Variants in SRPX observed in about 807,000 individuals in gnomAD.
SRPX encodes sushi repeat containing protein X-linked.
Under a neutral mutation model 38.1 loss-of-function variants are expected in SRPX, and 24 were observed. That is an observed-to-expected ratio of 0.63 (90% CI 0.46 to 0.89). The LOEUF is 0.89. Among genes scored for constraint, SRPX ranks in the 40% least tolerant of loss-of-function variants. The pLI, the probability that SRPX is intolerant of heterozygous loss-of-function variation, is 0.00. For missense variants in SRPX, 416 were observed against 377.8 expected, an observed-to-expected ratio of 1.10 and a Z score of -0.84; for synonymous variants, 184 against 153.8, an observed-to-expected ratio of 1.20 and a Z score of -1.45.
chrX:38,158,523 C>G (rs1331529398), intron 7 of SRPX, among the ~76,000 whole-genome samples: 2 of 111,810 alleles, frequency 1.8e-5, no homozygotes, highest in Non-Finnish European at 3.8e-5. Flanking sequence ...GTGCCAAGCT[C>G]TATGCTAGGT....
intron 1 of SRPX, among the ~76,000 whole-genome samples, chrX:38,197,988 T>C (rs1235585116): frequency 9.0e-6 from 1 of 110,907 alleles, no homozygotes; most frequent in Non-Finnish European, 1.9e-5. Context: ...GCAAGAGGGG[T>C]GAGATGAGGG....
intron 5 of SRPX, among the ~76,000 whole-genome samples, chrX:38,161,325 G>C (rs1020344938): frequency 4.5e-5 from 5 of 110,552 alleles, no homozygotes; most frequent in African/African-American, 1.3e-4. Context: ...GTGGGTAGAG[G>C]GGGGAGGGAG....
At chrX:38,198,341 A>G (rs1469181758) in intron 1 of SRPX, among the ~76,000 whole-genome samples, 2 of 112,136 alleles carry the variant, frequency 1.8e-5, no homozygotes, top group African/African-American at 6.5e-5. Context: ...GTGGGGAGGG[A>G]GAAGAGAGAA....
At chrX:38,200,809 C>T (rs953064643) in intron 1 of SRPX, among the ~76,000 whole-genome samples, 8 of 112,029 alleles carry the variant, frequency 7.1e-5, no homozygotes, top group Admixed American at 1.9e-4. Context: ...AATTAAATCT[C>T]AACATGACTT....
chrX:38,200,944 CA>C (rs1442307052), intron 1 of SRPX, among the ~76,000 whole-genome samples: 1 of 111,651 alleles, frequency 9.0e-6, no homozygotes, highest in Non-Finnish European at 1.9e-5. Flanking sequence ...AAAAGGCTTT[CA>C]AAAATGAGCT....
At chrX:38,210,919 T>G (rs949231625) in intron 1 of SRPX, among the ~76,000 whole-genome samples, 2 of 111,860 alleles carry the variant, frequency 1.8e-5, no homozygotes, top group Non-Finnish European at 3.8e-5. Flanking sequence ...AGATTCTACA[T>G]TTCTATAAAG....
chrX:38,154,634 C>A (rs1031379967), intron 8 of SRPX, 51 bp from the exon 9 acceptor site: 7 of 1,190,378 alleles, frequency 5.9e-6, no homozygotes, highest in Non-Finnish European at 7.9e-6. Flanking sequence ...CTAAAAAAGA[C>A]ATCCTTATCA....
At chrX:38,205,410 T>C (rs1253979046) in intron 1 of SRPX, among the ~76,000 whole-genome samples, 2 of 111,934 alleles carry the variant, frequency 1.8e-5, no homozygotes, top group Non-Finnish European at 3.8e-5. Context: ...TTTCTTGTTA[T>C]TGAGTTTAGA....
intron 7 of SRPX, 83 bp from the exon 8 acceptor site, chrX:38,157,112 T>G: frequency 9.2e-7 from 1 of 1,088,753 alleles, no homozygotes; most frequent in Non-Finnish European, 1.2e-6. Context: ...ACAGAACCAT[T>G]TGTGTAAGAA....
At chrX:38,196,591 G>T (rs956998214) in intron 1 of SRPX, among the ~76,000 whole-genome samples, 8 of 112,276 alleles carry the variant, frequency 7.1e-5, no homozygotes, top group Admixed American at 3.8e-4. Context: ...CAAATCTGTA[G>T]AAGATAACCA....
At chrX:38,180,238 T>C (rs1938643212) in intron 1 of SRPX, among the ~76,000 whole-genome samples, 1 of 111,795 alleles carries the variant, frequency 8.9e-6, no homozygotes, top group African/African-American at 3.3e-5. Context: ...TTACAGCATT[T>C]AGTATGAATG....
At position 38,171,898 on chromosome X, in the gene SRPX, C is replaced by T. The variant is rs184096904; in HGVS notation, c.509G>A (p.Arg170Gln). The change falls in exon 4 of 10, where the codon CGG (arginine) becomes CAG (glutamine). Residue 170 changes from arginine (R) to glutamine (Q), a missense_variant. Transcript: ENST00000378533. ...TTTCTTACCCACACAGGAGGCTGGC[C>T]GGCCGCTCCAGGCCTTGTTGTCCAT... is the stretch of plus-strand genomic sequence containing the variant. The part of the protein sequence containing the change: ...TCMDNKAWSG[R>Q]PASCVDMEPP... The T allele has an allele frequency of 2.1e-5, 26 of 1,209,653 alleles. No homozygotes were observed. In the East Asian group the frequency reaches 2.7e-4, roughly 12 times the overall value.
chrX:38,167,102 A>G (rs1322681224), intron 4 of SRPX, among the ~76,000 whole-genome samples: 1 of 111,818 alleles, frequency 8.9e-6, no homozygotes, highest in Non-Finnish European at 1.9e-5. Context: ...TCCCTATATT[A>G]TTTTACTGAA....
chrX:38,168,737 CGTA>C (rs1431960223), intron 4 of SRPX, among the ~76,000 whole-genome samples: 1 of 112,325 alleles, frequency 8.9e-6, no homozygotes, highest in African/African-American at 3.2e-5. Context: ...CCAGCCAGAG[CGTA>C]ATCTCTGTGG....
rs760036263 is a variant in SRPX at position 38,164,804 on chromosome X, G to A, written c.618C>T (p.Pro206=). 5 of 1,210,184 alleles carry A rather than the reference G, an allele frequency of 4.1e-6. No individual in the cohort carries two copies. The highest frequency in any genetic ancestry group is 2.3e-4 in the Middle Eastern group (1 of 4,352). ...TTCCATCTGCTGTGTCTCTTCCTTC[G>A]GGTGTCTCCCAGGACACCCGGACTG... ...KLTVRVSWET[P]EGRDTADGIL... The change falls in exon 5 of 10, where the codon CCC becomes CCT. Residue 206 remains proline (P), a synonymous_variant. Transcript: ENST00000378533.
At chrX:38,160,837 C>T in intron 6 of SRPX, 96 bp downstream of exon 6, 1 of 1,060,932 alleles carries the variant, frequency 9.4e-7, no homozygotes. Context: ...AGTCTCCCAC[C>T]ACAGTAGGCA....
intron 1 of SRPX, among the ~76,000 whole-genome samples, chrX:38,179,091 C>T (rs1399002563): frequency 1.8e-5 from 2 of 109,840 alleles, no homozygotes; most frequent in African/African-American, 6.7e-5. Flanking sequence ...GAATTACAGG[C>T]ATGTGCCACC....
At chrX:38,210,645 G>A (rs1051205019) in intron 1 of SRPX, among the ~76,000 whole-genome samples, 4 of 112,534 alleles carry the variant, frequency 3.6e-5, no homozygotes, top group African/African-American at 1.3e-4. Context: ...CTGGATCCTA[G>A]CCAAGAATTG....
intron 1 of SRPX, among the ~76,000 whole-genome samples, chrX:38,207,598 A>G (rs1309017592): frequency 8.9e-6 from 1 of 112,412 alleles, no homozygotes; most frequent in Non-Finnish European, 1.9e-5. Flanking sequence ...AAGAAAGGAA[A>G]GGAGGATGCA....
Sources: allele counts gnomAD v4.1 joint callset (sites outside exome capture counted in the v4.1 genomes callset), GRCh38; gene constraint gnomAD v4.1.1; transcripts MANE v1.5; gene names NCBI Gene and HGNC (gene_info 2026-07-23, HGNC 2026-07-21).